Variants in ROR1 observed in about 807,000 individuals in gnomAD.
ROR1 encodes ROR family WNT receptor 1, also known as inactive tyrosine-protein kinase transmembrane receptor ROR1.
ROR1 carries 19 observed loss-of-function variants against 78.8 expected under a neutral mutation model. The ratio of observed to expected loss-of-function variants is 0.24; its 90% CI spans 0.17 to 0.35. ROR1 has a LOEUF of 0.35. Ranked by LOEUF, ROR1 falls within the 10% of genes least tolerant of loss-of-function variation. The pLI is 1.00. For synonymous variants in ROR1, 386 were observed against 433.6 expected, an observed-to-expected ratio of 0.89 and a Z score of 1.36; for missense variants, 917 against 1,177.8, an observed-to-expected ratio of 0.78 and a Z score of 3.24.
intron 2 of ROR1, among the ~76,000 whole-genome samples, chr1:64,018,007 T>A (rs928196883): frequency 6.6e-6 from 1 of 152,166 alleles, no homozygotes; most frequent in Non-Finnish European, 1.5e-5. Context: ...GGCTGTTTTT[T>A]CCTTGCCTGT....
chr1:64,019,941 G>A (rs886579642), intron 2 of ROR1, among the ~76,000 whole-genome samples: 4 of 152,152 alleles, frequency 2.6e-5, no homozygotes, highest in Non-Finnish European at 5.9e-5. Context: ...ATGCCTACAA[G>A]TGTCCTTATA....
intron 1 of ROR1, among the ~76,000 whole-genome samples, chr1:63,957,819 T>A (rs1050783127): frequency 6.6e-6 from 1 of 151,570 alleles, no homozygotes; most frequent in Admixed American, 6.6e-5. Context: ...CTCAGCTCAC[T>A]GCAACTTCCG....
intron 1 of ROR1, among the ~76,000 whole-genome samples, chr1:63,965,990 G>A (rs1646071841): frequency 6.6e-6 from 1 of 152,142 alleles, no homozygotes; most frequent in African/African-American, 2.4e-5. Context: ...AGTGGGGATA[G>A]GACTGTTACT....
At chr1:63,936,180 T>C (rs1465032103) in intron 1 of ROR1, among the ~76,000 whole-genome samples, 2 of 152,220 alleles carry the variant, frequency 1.3e-5, no homozygotes, top group Non-Finnish European at 2.9e-5. Context: ...AACTCTACTA[T>C]TGGTGCTTTC....
At chr1:64,069,689 C>G (rs761642131) in intron 4 of ROR1, among the ~76,000 whole-genome samples, 1 of 152,160 alleles carries the variant, frequency 6.6e-6, no homozygotes, top group Non-Finnish European at 1.5e-5. Context: ...GCAGGCAGAT[C>G]CCTGCAGAGG....
At chr1:63,985,006 A>G (rs1391766610) in intron 1 of ROR1, among the ~76,000 whole-genome samples, 2 of 152,102 alleles carry the variant, frequency 1.3e-5, no homozygotes, top group East Asian at 3.9e-4. Context: ...TACTGCTTGG[A>G]CTTCATTGTG....
At chr1:64,063,140 A>T (rs796771598) in intron 4 of ROR1, among the ~76,000 whole-genome samples, 1 of 152,224 alleles carries the variant, frequency 6.6e-6, no homozygotes, top group South Asian at 2.1e-4. Context: ...GGCAAAGGAA[A>T]AAGAGGTTTG....
intron 4 of ROR1, among the ~76,000 whole-genome samples, chr1:64,051,457 A>AAAAAAAT (rs1359777733): frequency 2.0e-4 from 15 of 76,728 alleles, no homozygotes; most frequent in African/African-American, 4.6e-4. Flanking sequence ...CTCAAAAATA[A>AAAAAAAT]AAAATAAAAT....
At chr1:64,139,208 A>G (rs772209802) in intron 5 of ROR1, among the ~76,000 whole-genome samples, 31 of 150,664 alleles carry the variant, frequency 2.1e-4, no homozygotes, top group Non-Finnish European at 3.4e-4. Flanking sequence ...GTTTTGATGT[A>G]AATAATTGGT....
At chr1:63,940,470 TAGATAGATAGAC>T (rs1054138379) in intron 1 of ROR1, among the ~76,000 whole-genome samples, 62 of 146,008 alleles carry the variant, frequency 4.2e-4, no homozygotes, top group Non-Finnish European at 8.0e-4. Context: ...AGTACGTAGA[TAGATAGATAGAC>T]AGATAGATAG....
chr1:63,979,971 T>C (rs1430398334), intron 1 of ROR1, among the ~76,000 whole-genome samples: 1 of 152,094 alleles, frequency 6.6e-6, no homozygotes, highest in Non-Finnish European at 1.5e-5. Context: ...CACTGTGGAA[T>C]AGCTGCATGT....
chr1:63,854,800 A>G (rs1320109692), intron 1 of ROR1, among the ~76,000 whole-genome samples: 1 of 152,252 alleles, frequency 6.6e-6, no homozygotes, highest in Non-Finnish European at 1.5e-5. Context: ...CATTCGTTCC[A>G]GGACCCTGAT....
rs1645047700 is a variant in ROR1 at position 63,841,227 on chromosome 1, C to T, written c.91+66719C>T. Reference sequence around the variant, plus strand: ...AAGGTTGTAGAGGTTAAGTAACTTGCTCAAGGTCATAAAATTGCTAAATGT... The same window carrying T: ...AAGGTTGTAGAGGTTAAGTAACTTGTTCAAGGTCATAAAATTGCTAAATGT... On this transcript the variant is annotated intron_variant, in intron 1 of 8. Transcript: ENST00000371079. 2.6e-5 allele frequency among the ~76,000 whole-genome samples: 4 copies of T among 152,152 alleles called. No individual in the cohort carries two copies. The South Asian group carries it at 8.3e-4, about 32-fold the overall frequency.
At chr1:64,030,113 T>C (rs1304816446) in intron 2 of ROR1, among the ~76,000 whole-genome samples, 1 of 152,198 alleles carries the variant, frequency 6.6e-6, no homozygotes, top group Non-Finnish European at 1.5e-5. Context: ...GACTCTGCCT[T>C]AATATGCTCC....
At chr1:64,020,827 G>T (rs1173230283) in intron 2 of ROR1, among the ~76,000 whole-genome samples, 1 of 152,092 alleles carries the variant, frequency 6.6e-6, no homozygotes, top group Non-Finnish European at 1.5e-5. Context: ...TTATTATGAG[G>T]CAGTGGAGTG....
intron 4 of ROR1, among the ~76,000 whole-genome samples, chr1:64,052,568 T>C (rs1646841476): frequency 6.6e-6 from 1 of 152,240 alleles, no homozygotes; most frequent in Admixed American, 6.5e-5. Context: ...ACAAAGATTT[T>C]ATACCCCTGT....
chr1:64,066,469 C>G (rs1254036207), intron 4 of ROR1, among the ~76,000 whole-genome samples: 2 of 152,134 alleles, frequency 1.3e-5, no homozygotes, highest in East Asian at 1.9e-4. Flanking sequence ...AGGCGCCCAC[C>G]ACCATGCCTG....
chr1:63,911,679 G>C (rs935718715), intron 1 of ROR1, among the ~76,000 whole-genome samples: 3 of 151,940 alleles, frequency 2.0e-5, no homozygotes, highest in Non-Finnish European at 4.4e-5. Flanking sequence ...AGATACTGTT[G>C]GTTGTAGTAT....
chr1:64,050,553 A>T, intron 3 of ROR1, 133 bp from the exon 4 acceptor site: 1 of 889,844 alleles, frequency 1.1e-6, no homozygotes, highest in Non-Finnish European at 1.8e-6. Context: ...AGAGCAAAAC[A>T]ATAAATTCCA....
Sources: gnomAD v4.1 joint callset for allele counts (sites outside exome capture counted in the v4.1 genomes callset) on GRCh38, gnomAD v4.1.1 for gene constraint, MANE v1.5 for transcripts, NCBI Gene and HGNC (gene_info 2026-07-23, HGNC 2026-07-21) for gene names.